Variants in TRIM24 observed in about 807,000 individuals in gnomAD.
TRIM24 encodes the protein tripartite motif containing 24, also known as transcription intermediary factor 1-alpha.
In TRIM24, 29 loss-of-function variants were observed where a neutral mutation model predicts 123.9. The ratio of observed to expected loss-of-function variants is 0.23; its 90% CI spans 0.17 to 0.32. TRIM24 has a LOEUF of 0.32. Ranked by LOEUF, TRIM24 falls within the 10% of genes least tolerant of loss-of-function variation. The pLI is 1.00. For synonymous variants in TRIM24, 456 were observed against 461.1 expected (o/e 0.99, Z 0.14); for missense variants, 932 against 1,295.3 (o/e 0.72, Z 4.31).
intron 14 of TRIM24, among the ~76,000 whole-genome samples, chr7:138,578,228 A>G (rs1056948998): frequency 2.6e-5 from 4 of 152,340 alleles, no homozygotes; most frequent in African/African-American, 9.6e-5. Context: ...AAAGTTGTAC[A>G]AAAAATGTCT....
At chr7:138,496,731 C>T (rs1423474723) in intron 1 of TRIM24, among the ~76,000 whole-genome samples, 1 of 151,524 alleles carries the variant, frequency 6.6e-6, no homozygotes, top group Non-Finnish European at 1.5e-5. Context: ...GAACTCCAGG[C>T]CTGTAGTGAT....
At chr7:138,497,368 G>A (rs888474853) in intron 1 of TRIM24, among the ~76,000 whole-genome samples, 5 of 149,238 alleles carry the variant, frequency 3.4e-5, no homozygotes, top group African/African-American at 7.4e-5. Flanking sequence ...GCGCCTGGCC[G>A]ATGGGAAGGT....
At chr7:138,515,186 T>A in intron 2 of TRIM24, 26 bp from the exon 3 acceptor site, 1 of 1,591,150 alleles carries the variant, frequency 6.3e-7, no homozygotes, top group African/African-American at 1.3e-5. Flanking sequence ...TTCTCAAAAA[T>A]TTACGTGCCA....
At chr7:138,497,252 G>C (rs1465534870) in intron 1 of TRIM24, among the ~76,000 whole-genome samples, 3 of 152,020 alleles carry the variant, frequency 2.0e-5, no homozygotes, top group African/African-American at 7.2e-5. Context: ...CTTTTTTGTA[G>C]AGAAGGAGTT....
At chr7:138,581,548 A>G in intron 16 of TRIM24, 149 bp from the exon 17 acceptor site, 1 of 631,708 alleles carries the variant, frequency 1.6e-6, no homozygotes, top group Non-Finnish European at 2.6e-6. Context: ...AAGGAGAGCA[A>G]AACTCCGAGA....
chr7:138,523,817 AT>A (rs1387925602), intron 4 of TRIM24, among the ~76,000 whole-genome samples: 1 of 152,026 alleles, frequency 6.6e-6, no homozygotes, highest in East Asian at 1.9e-4. Context: ...AAAAAAATGA[AT>A]TCTTTCCAAC....
chr7:138,463,725 T>C (rs1297872443), intron 1 of TRIM24, among the ~76,000 whole-genome samples: 1 of 152,196 alleles, frequency 6.6e-6, no homozygotes, highest in Non-Finnish European at 1.5e-5. Flanking sequence ...CAAAATGTTC[T>C]GTGTAATTAC....
At chr7:138,497,885 GT>G (rs1318675903) in intron 1 of TRIM24, among the ~76,000 whole-genome samples, 1 of 151,974 alleles carries the variant, frequency 6.6e-6, no homozygotes, top group Non-Finnish European at 1.5e-5. Context: ...TAGAGGTGGG[GT>G]TTCACCATGT....
At chr7:138,574,565 A>G in intron 12 of TRIM24, among the ~76,000 whole-genome samples, 1 of 152,236 alleles carries the variant, frequency 6.6e-6, no homozygotes, top group East Asian at 1.9e-4. Flanking sequence ...ATAGCAGATG[A>G]GACAAAAATT....
intron 10 of TRIM24, among the ~76,000 whole-genome samples, chr7:138,569,128 G>C (rs531176717): frequency 2.0e-5 from 3 of 152,062 alleles, no homozygotes; most frequent in Non-Finnish European, 4.4e-5. Context: ...TAGTCTTTTC[G>C]CATCTCCCTT....
intron 2 of TRIM24, among the ~76,000 whole-genome samples, chr7:138,507,852 G>A (rs1796183576): frequency 6.6e-6 from 1 of 151,850 alleles, no homozygotes; most frequent in Non-Finnish European, 1.5e-5. Flanking sequence ...AGGATCACCT[G>A]TGCTCAAGAA....
chr7:138,495,718 G>T (rs1423718630), intron 1 of TRIM24, among the ~76,000 whole-genome samples: 7 of 152,150 alleles, frequency 4.6e-5, no homozygotes, highest in Admixed American at 3.3e-4. Flanking sequence ...AAAATGTTGG[G>T]ATTACAGGTG....
chr7:138,567,649 A>C lies in TRIM24; in HGVS notation c.1699A>C (p.Lys567Gln), dbSNP rs764071786. ...QMAFLAQQAI[K>Q]QWQISSGQGT... ...GGCTTTCTTGGCTCAACAAGCCATAAAACAGGTATATATCTACCTTCTTTT... is the reference window on the plus strand; with the variant it reads ...GGCTTTCTTGGCTCAACAAGCCATACAACAGGTATATATCTACCTTCTTTT... The change falls in exon 10 of 19, where the codon AAA becomes CAA. Residue 567 changes from lysine to glutamine, a missense_variant. Lys to Gln is a moderately conservative substitution (Grantham distance 53). Coordinates refer to ENST00000343526, the MANE Select transcript of TRIM24 (RefSeq NM_015905.3). The C allele has an allele frequency of 6.2e-7, 1 of 1,610,594 alleles. No homozygotes were observed. Among genetic ancestry groups the C allele is most frequent in the East Asian group, 2.2e-5 (1 of 44,696 alleles).
intron 9 of TRIM24, among the ~76,000 whole-genome samples, chr7:138,567,142 G>C (rs1797550484): frequency 6.6e-6 from 1 of 152,140 alleles, no homozygotes; most frequent in African/African-American, 2.4e-5. Flanking sequence ...GTAGTTCTTT[G>C]TGAAAGATAA....
At chr7:138,566,205 G>A (rs1312975729) in intron 9 of TRIM24, among the ~76,000 whole-genome samples, 2 of 152,016 alleles carry the variant, frequency 1.3e-5, no homozygotes, top group South Asian at 2.1e-4. Flanking sequence ...GGTTGTTCTT[G>A]GAGACTTTGC....
At position 138,580,673 on chromosome 7, in the gene TRIM24, G is replaced by A. The variant is rs993699505; in HGVS notation, c.2697G>A (p.Lys899=). ...AAAAGAAAACTGAAGGCCTTGTTAA[G>A]TTAACACCTATAGATAAAAGGGTAA... ...SEKKKTEGLV[K]LTPIDKRKCE... The change falls in exon 16 of 19, where the codon AAG becomes AAA. Residue 899 remains lysine, a synonymous_variant. Transcript: ENST00000343526. 1 of 1,613,626 alleles carries A rather than the reference G, an allele frequency of 6.2e-7. No individual in the cohort carries two copies. The highest frequency in any genetic ancestry group is 1.3e-5 in the African/African-American group (1 of 74,892).
intron 2 of TRIM24, chr7:138,514,285 A>T (rs1414255953): frequency 1.3e-5 from 2 of 152,238 alleles, no homozygotes; most frequent in African/African-American, 4.8e-5. Context: ...TTATACAGAA[A>T]CACTTGCTCC....
chr7:138,578,327 A>C (rs1797809801), intron 14 of TRIM24, among the ~76,000 whole-genome samples: 1 of 152,304 alleles, frequency 6.6e-6, no homozygotes, highest in African/African-American at 2.4e-5. Flanking sequence ...GTAACTAAAA[A>C]CTGTGATGCA....
chr7:138,563,175 G>A (rs1385947210), intron 9 of TRIM24, among the ~76,000 whole-genome samples: 1 of 152,206 alleles, frequency 6.6e-6, no homozygotes, highest in Admixed American at 6.5e-5. Flanking sequence ...GGGGGCCTAA[G>A]GAGAAGGAGC....
Sources: gnomAD v4.1 joint callset for allele counts (sites outside exome capture counted in the v4.1 genomes callset) on GRCh38, gnomAD v4.1.1 for gene constraint, MANE v1.5 for transcripts, NCBI Gene and HGNC (gene_info 2026-07-23, HGNC 2026-07-21) for gene names.